Variants in TP63 observed in about 807,000 individuals in gnomAD.
TP63 encodes the protein tumor protein 63.
In TP63, 17 loss-of-function variants were observed where a neutral mutation model predicts 82.8. That is an observed-to-expected ratio of 0.21 (90% confidence interval 0.14 to 0.31). The LOEUF (loss-of-function observed/expected upper bound fraction) is 0.31, where lower values mean the gene tolerates loss of function less well. Among genes scored for constraint, TP63 ranks in the 10% least tolerant of loss-of-function variants. The pLI is 1.00. For synonymous variants in TP63, 330 were observed against 321.7 expected, an observed-to-expected ratio of 1.03 and a Z score of -0.28; for missense variants, 648 against 895.3, an observed-to-expected ratio of 0.72 and a Z score of 3.52.
chr3:189,864,803 G>A (rs759114000), intron 5 of TP63, among the ~76,000 whole-genome samples: 2 of 151,834 alleles, frequency 1.3e-5, no homozygotes, highest in East Asian at 1.9e-4. Flanking sequence ...TCAGGAGATC[G>A]AGACCATCCT....
chr3:189,827,315 C>CATTA (rs1469857566), intron 4 of TP63, among the ~76,000 whole-genome samples: 1 of 152,170 alleles, frequency 6.6e-6, no homozygotes, highest in Non-Finnish European at 1.5e-5. Flanking sequence ...TCATTGGAAG[C>CATTA]ATTAATTGTA....
chr3:189,645,056 A>C (rs758325669), intron 1 of TP63, among the ~76,000 whole-genome samples: 1 of 152,052 alleles, frequency 6.6e-6, no homozygotes, highest in South Asian at 2.1e-4. Context: ...GTTTCCAATA[A>C]TTTGTTATGT....
chr3:189,626,275 G>C, the TP63 span, among the ~76,000 whole-genome samples: 1 of 152,136 alleles, frequency 6.6e-6, no homozygotes, highest in African/African-American at 2.4e-5. Flanking sequence ...GTGTGGTTGA[G>C]CTGCAGCTAT....
the TP63 span, among the ~76,000 whole-genome samples, chr3:189,613,105 C>T: frequency 6.6e-6 from 1 of 152,150 alleles, no homozygotes; most frequent in East Asian, 1.9e-4. Context: ...TAGCAAGGAA[C>T]CTAATGTTAA....
At position 189,887,328 on chromosome 3, in the gene TP63, T is replaced by G. The variant is rs1211238544; in HGVS notation, c.1507+777T>G. On this transcript the variant is annotated intron_variant, in intron 11 of 13. Coordinates refer to ENST00000264731, the MANE Select transcript of TP63 (RefSeq NM_003722.5). ...AATTTTCTATCCATAAAATTGTCAC[T>G]ATATATACTTAACATTTTATGTCTG... Among the ~76,000 whole-genome samples the G allele has an allele frequency of 2.0e-5, 3 of 152,174 alleles. No individual in the cohort carries two copies. In the East Asian group the frequency reaches 5.8e-4, roughly 29 times the overall value.
chr3:189,716,270 T>G (rs1718951247), intron 1 of TP63, among the ~76,000 whole-genome samples: 1 of 152,244 alleles, frequency 6.6e-6, no homozygotes, highest in South Asian at 2.1e-4. Context: ...TTATAAAATA[T>G]ATTTTTATTT....
intron 4 of TP63, among the ~76,000 whole-genome samples, chr3:189,851,656 A>G (rs1446368076): frequency 1.3e-5 from 2 of 152,164 alleles, no homozygotes; most frequent in Non-Finnish European, 2.9e-5. Flanking sequence ...TAAGGAGGGA[A>G]GTGAACAAGG....
At chr3:189,760,773 G>T (rs1457192876) in intron 3 of TP63, among the ~76,000 whole-genome samples, 1 of 152,202 alleles carries the variant, frequency 6.6e-6, no homozygotes, top group Non-Finnish European at 1.5e-5. Context: ...TGCCCTAATA[G>T]AGGTTCTCCA....
chr3:189,765,448 T>TTTTTTTTTTTTTTTTTC (rs1722883165), intron 3 of TP63, among the ~76,000 whole-genome samples: 1 of 115,968 alleles, frequency 8.6e-6, no homozygotes, highest in East Asian at 2.4e-4. Flanking sequence ...TTTTTTTTTT[T>TTTTTTTTTTTTTTTTTC]TTTTTTGAGA....
intron 2 of TP63, among the ~76,000 whole-genome samples, chr3:189,738,399 G>A (rs146794844): frequency 1.3e-5 from 2 of 152,272 alleles, no homozygotes; most frequent in East Asian, 1.9e-4. Context: ...ATCCTACCCA[G>A]TAATTATCTG....
At chr3:189,892,484 A>G (rs1721115013) in intron 13 of TP63, among the ~76,000 whole-genome samples, 1 of 152,242 alleles carries the variant, frequency 6.6e-6, no homozygotes, top group African/African-American at 2.4e-5. Context: ...AAAGAATCCA[A>G]GAAACATAAA....
At chr3:189,773,797 A>G (rs1217469389) in intron 3 of TP63, among the ~76,000 whole-genome samples, 1 of 152,082 alleles carries the variant, frequency 6.6e-6, no homozygotes, top group Non-Finnish European at 1.5e-5. Flanking sequence ...GAAGGTCATC[A>G]GATCTAACCA....
At chr3:189,651,418 A>T (rs1422144691) in intron 1 of TP63, among the ~76,000 whole-genome samples, 1 of 145,906 alleles carries the variant, frequency 6.9e-6, no homozygotes. Context: ...TGGTGGCAGA[A>T]GCTTGTAATC....
chr3:189,729,782 A>C (rs1385498462), intron 1 of TP63, among the ~76,000 whole-genome samples: 1 of 152,150 alleles, frequency 6.6e-6, no homozygotes, highest in African/African-American at 2.4e-5. Flanking sequence ...AGAGTTTGCA[A>C]GTGAGTTTTG....
chr3:189,624,040 A>C, the TP63 span, among the ~76,000 whole-genome samples: 6 of 151,854 alleles, frequency 4.0e-5, no homozygotes, highest in African/African-American at 1.2e-4. Context: ...TTTGTGAATA[A>C]ACACTATCTT....
At chr3:189,621,562 C>A in the TP63 span, among the ~76,000 whole-genome samples, 1 of 134,650 alleles carries the variant, frequency 7.4e-6, no homozygotes, top group Non-Finnish European at 1.6e-5. Context: ...TAAATATGTA[C>A]ATTATGTGCA....
At chr3:189,789,891 T>G in intron 3 of TP63, 1 of 1,488,708 alleles carries the variant, frequency 6.7e-7, no homozygotes, top group Non-Finnish European at 8.9e-7. Context: ...TTTTTAATTT[T>G]TATTTTTGTA....
intron 1 of TP63, among the ~76,000 whole-genome samples, chr3:189,714,614 C>T (rs935455095): frequency 3.9e-5 from 6 of 152,140 alleles, no homozygotes; most frequent in Non-Finnish European, 8.8e-5. Context: ...CACTGATGTA[C>T]ACCACAGTTT....
At chr3:189,741,981 G>T (rs947223117) in intron 3 of TP63, among the ~76,000 whole-genome samples, 7 of 152,064 alleles carry the variant, frequency 4.6e-5, no homozygotes, top group African/African-American at 1.7e-4. Flanking sequence ...ATTGGCTCAG[G>T]CCTGTAATCT....
Sources: gnomAD v4.1 joint callset for allele counts (sites outside exome capture counted in the v4.1 genomes callset) on GRCh38, gnomAD v4.1.1 for gene constraint, MANE v1.5 for transcripts, NCBI Gene and HGNC (gene_info 2026-07-23, HGNC 2026-07-21) for gene names.